SPTLC1: variants seen among roughly 807,000 people sequenced by gnomAD.
The protein encoded by SPTLC1 is serine palmitoyltransferase long chain base subunit 1, also known as serine palmitoyltransferase 1.
A neutral mutation model predicts 68.9 loss-of-function variants in SPTLC1; 55 were observed. The ratio of observed to expected loss-of-function variants is 0.80; its 90% CI spans 0.64 to 1.00. The LOEUF is 1.00. SPTLC1 is among the 50% of genes least tolerant of loss of function. SPTLC1 has a pLI of 0.00. For synonymous variants in SPTLC1, 197 were observed against 201.6 expected (o/e 0.98, Z 0.19); for missense variants, 449 against 573.1 (o/e 0.78, Z 2.21).
chr9:92,079,698 G>A (rs10820938), intron 5 of SPTLC1: 96,243 of 822,684 alleles, frequency 0.12, 10,891 homozygotes, highest in African/African-American at 0.43. Flanking sequence ...GCTCTCATCA[G>A]TGGACTGTGG....
chr9:92,065,036 A>T lies in SPTLC1; in HGVS notation c.560+2930T>A, dbSNP rs558353659. On this transcript the variant is annotated intron_variant, in intron 6 of 14. Coordinates refer to ENST00000262554, the MANE Select transcript of SPTLC1 (RefSeq NM_006415.4). Reference sequence around the variant, plus strand: ...CTGCATCTTGACAATGACAAAGTCAATATCCTGGCTGTGAAACTGTTCGTT... The same window carrying T: ...CTGCATCTTGACAATGACAAAGTCATTATCCTGGCTGTGAAACTGTTCGTT... Among the ~76,000 whole-genome samples the T allele has an allele frequency of 2.0e-5, 3 of 152,378 alleles. 1 individual carries two copies. Among genetic ancestry groups the T allele is most frequent in the African/African-American group, 7.2e-5 (3 of 41,596 alleles).
At chr9:92,041,012 A>G (rs1003372135) in intron 12 of SPTLC1, among the ~76,000 whole-genome samples, 3 of 152,192 alleles carry the variant, frequency 2.0e-5, no homozygotes, top group Non-Finnish European at 1.5e-5. Flanking sequence ...GACTTTGCCA[A>G]ACATATCATC....
rs950151692 is a variant in SPTLC1 at position 92,032,151 on chromosome 9, C to T, written c.*314G>A. ...CTGAAGCTCCAGTTTTAAACGACAA[C>T]AAAAGAATATAAAATACTAGTATAA... On this transcript the variant is annotated 3_prime_UTR_variant, in exon 15 of 15. Transcript: ENST00000262554. 1.4e-5 allele frequency: 13 copies of T among 907,386 alleles called. No homozygotes were observed. The Admixed American group carries it at 3.9e-4, about 27-fold the overall frequency. The allele number at this position is 907,386 out of a possible 1,614,324, so 56.2% of individuals were successfully genotyped here.
In SPTLC1 at chr9:92,032,243, C is replaced by T; in HGVS notation, c.*222G>A. 1 of 1,506,690 alleles carries T rather than the reference C, an allele frequency of 6.6e-7. No homozygotes were observed. The highest frequency in any genetic ancestry group is 8.8e-7 in the Non-Finnish European group (1 of 1,131,336). 93.3% of individuals were successfully genotyped at this position (1,506,690 alleles called of 1,614,324 possible). A position where few individuals can be genotyped will look rare whatever the true frequency, so the allele number is the denominator to read the frequency against. The stretch of plus-strand genomic sequence containing the variant: ...GTTATACACTGTCATTAGTTTTCCT[C>T]TTAAAAAAATCAGTTCCTGGGCTTT... On this transcript the variant is annotated 3_prime_UTR_variant, in exon 15 of 15. Transcript: ENST00000262554.
intron 4 of SPTLC1, 61 bp from the exon 5 acceptor site, chr9:92,080,149 T>C: frequency 7.2e-7 from 1 of 1,380,612 alleles, no homozygotes; most frequent in Non-Finnish European, 1.0e-6. Flanking sequence ...AAAACAAACA[T>C]TTCCTATTCT....
intron 8 of SPTLC1, among the ~76,000 whole-genome samples, chr9:92,053,414 T>C (rs546512911): frequency 7.9e-5 from 12 of 152,328 alleles, no homozygotes; most frequent in African/African-American, 2.2e-4. Flanking sequence ...CTGCTAGATA[T>C]ATACATAAAA....
intron 7 of SPTLC1, among the ~76,000 whole-genome samples, chr9:92,058,566 A>T (rs1833972071): frequency 6.6e-6 from 1 of 152,192 alleles, no homozygotes; most frequent in African/African-American, 2.4e-5. Flanking sequence ...CAGAACACCA[A>T]GGAGCTACTT....
intron 8 of SPTLC1, chr9:92,055,112 C>T (rs1214636436): frequency 1.9e-6 from 1 of 529,812 alleles, no homozygotes; most frequent in Non-Finnish European, 2.4e-6. Flanking sequence ...GTAGTCCCAG[C>T]TAACTCAGAA....
intron 5 of SPTLC1, among the ~76,000 whole-genome samples, chr9:92,071,226 C>CT (rs912033902): frequency 1.9e-5 from 2 of 107,184 alleles, no homozygotes; most frequent in Admixed American, 1.1e-4. Flanking sequence ...CCTATCTCTA[C>CT]TAAAAAAAAA....
At chr9:92,099,532 C>G (rs1453160596) in intron 3 of SPTLC1, among the ~76,000 whole-genome samples, 1 of 150,264 alleles carries the variant, frequency 6.7e-6, no homozygotes, top group African/African-American at 2.5e-5. Context: ...CAGGATGGAG[C>G]ACAGTGGCAC....
chr9:92,093,773 T>G (rs1835444996), intron 3 of SPTLC1, among the ~76,000 whole-genome samples: 2 of 152,234 alleles, frequency 1.3e-5, no homozygotes, highest in Admixed American at 1.3e-4. Flanking sequence ...CTCTATAAAC[T>G]TCAATAATTA....
At chr9:92,105,859 A>G (rs1485495916) in intron 3 of SPTLC1, among the ~76,000 whole-genome samples, 517 of 63,030 alleles carry the variant, frequency 8.2e-3, no homozygotes, top group Middle Eastern at 0.057. Flanking sequence ...CGTCTGGGAA[A>G]TGAGGAGCGC....
chr9:92,031,590 T>A lies in SPTLC1; in HGVS notation c.*875A>T, dbSNP rs570805058. 6.4e-4 allele frequency: 97 copies of A among 152,392 alleles called. No homozygotes were observed. Among genetic ancestry groups the A allele is most frequent in the African/African-American group, 2.3e-3 (94 of 41,570 alleles). 9.4% of individuals were successfully genotyped at this position (152,392 alleles called of 1,614,324 possible). ...CTTTTTCCTTGGCTTAGTAAAAGCC[T>A]GTAGTTACACGTCCCTAGGCAAACC... On this transcript the variant is annotated 3_prime_UTR_variant, in exon 15 of 15. Coordinates refer to ENST00000262554, the MANE Select transcript of SPTLC1 (RefSeq NM_006415.4).
rs182117656 is a variant in SPTLC1, at chr9:92,109,200, G to A, written c.166-366C>T. On this transcript the variant is annotated intron_variant, in intron 2 of 14. Coordinates refer to ENST00000262554, the MANE Select transcript of SPTLC1 (RefSeq NM_006415.4). The stretch of plus-strand genomic sequence containing the variant: ...TATCAATGATGACGTGATATTGTCC[G>A]AGAAAGTACATTCCAAGGCCACCAC... 1,153 of 195,378 alleles carry A rather than the reference G, an allele frequency of 5.9e-3. 8 individuals are homozygous for A. Among genetic ancestry groups the A allele is most frequent in the African/African-American group, 0.024 (1,051 of 43,198 alleles). 12.1% of individuals were successfully genotyped at this position (195,378 alleles called of 1,614,324 possible).
intron 3 of SPTLC1, among the ~76,000 whole-genome samples, chr9:92,087,941 T>C (rs1276113996): frequency 6.6e-6 from 1 of 152,264 alleles, no homozygotes; most frequent in African/African-American, 2.4e-5. Context: ...TAAGCAAGCC[T>C]GGGCAATGGC....
chr9:92,049,078 C>T (rs912255130), intron 9 of SPTLC1, among the ~76,000 whole-genome samples: 6 of 152,112 alleles, frequency 3.9e-5, no homozygotes, highest in Admixed American at 3.9e-4. Context: ...CATTTACCTC[C>T]TCGGTGCATG....
intron 3 of SPTLC1, among the ~76,000 whole-genome samples, chr9:92,102,799 T>C (rs1835804487): frequency 6.6e-6 from 1 of 152,146 alleles, no homozygotes; most frequent in Admixed American, 6.5e-5. Flanking sequence ...GAAGTTAACT[T>C]CTTACCTTTT....
At chr9:92,097,956 C>A (rs79930021) in intron 3 of SPTLC1, among the ~76,000 whole-genome samples, 5,162 of 152,260 alleles carry the variant, frequency 0.034, 153 homozygotes, top group South Asian at 0.11. Flanking sequence ...TTCGCTTACT[C>A]TTGTGTCAAC....
intron 6 of SPTLC1, among the ~76,000 whole-genome samples, chr9:92,065,815 G>A (rs978254042): frequency 4.6e-5 from 7 of 152,104 alleles, no homozygotes; most frequent in Admixed American, 3.3e-4. Flanking sequence ...TTAGACCCAG[G>A]ACATTTGCTG....
Sources: gnomAD v4.1 joint callset for allele counts (sites outside exome capture counted in the v4.1 genomes callset) on GRCh38, gnomAD v4.1.1 for gene constraint, MANE v1.5 for transcripts, NCBI Gene and HGNC (gene_info 2026-07-23, HGNC 2026-07-21) for gene names.